The following SENP6 variants were observed in gnomAD, a reference collection of about 807,000 sequenced individuals.
The protein encoded by SENP6 is sentrin-specific protease 6.
A neutral mutation model predicts 134.5 loss-of-function variants in SENP6; 41 were observed. The observed-to-expected ratio is 0.30, with a 90% CI of 0.24 to 0.40. The LOEUF (loss-of-function observed/expected upper bound fraction) is 0.40, where lower values mean the gene tolerates loss of function less well. Ranked by LOEUF, SENP6 falls within the 10% of genes least tolerant of loss-of-function variation. The pLI is 1.00. For missense variants in SENP6, 1,248 were observed against 1,312.5 expected, an observed-to-expected ratio of 0.95 and a Z score of 0.76; for synonymous variants, 395 against 429.8, an observed-to-expected ratio of 0.92 and a Z score of 1.00.
Position 75,713,445 on chromosome 6 carries a change from A to G in SENP6, c.2910-68A>G, listed in dbSNP as rs753208360. 4.1e-4 allele frequency: 528 copies of G among 1,287,630 alleles called. 2 individuals are homozygous for G. The highest frequency in any genetic ancestry group is 5.6e-4 in the Non-Finnish European group (502 of 900,326). The allele number at this position is 1,287,630 out of a possible 1,614,324, so 79.8% of individuals were successfully genotyped here. ...TAAATTTGATTGTTTATAATATGCCACTTTTAATCCTTTTATGCATTTGTA... is the reference window on the plus strand; with the variant it reads ...TAAATTTGATTGTTTATAATATGCCGCTTTTAATCCTTTTATGCATTTGTA... On this transcript the variant is annotated intron_variant, in intron 21 of 23. Transcript: ENST00000447266.
intron 18 of SENP6, among the ~76,000 whole-genome samples, chr6:75,700,085 A>G (rs1420451083): frequency 6.6e-6 from 1 of 151,702 alleles, no homozygotes; most frequent in Non-Finnish European, 1.5e-5. Flanking sequence ...AATTTTTTAA[A>G]ATTTTTTTGG....
chr6:75,649,255 C>A (rs1039242336), intron 7 of SENP6, among the ~76,000 whole-genome samples: 8 of 151,838 alleles, frequency 5.3e-5, no homozygotes, highest in African/African-American at 1.9e-4. Context: ...GCAGAGGTTG[C>A]AGTGAGCCGA....
At chr6:75,666,108 T>TATATATGATATATATAAAAC (rs1772190783) in intron 9 of SENP6, among the ~76,000 whole-genome samples, 9 of 145,014 alleles carry the variant, frequency 6.2e-5, no homozygotes, top group African/African-American at 2.0e-4. Flanking sequence ...ATATATAAAA[T>TATATATGATATATATAAAAC]GTATATATGA....
rs557461040 is a variant in SENP6, at chr6:75,668,359, A to T, written c.1224+1418A>T. Among the ~76,000 whole-genome samples, 4 of 152,346 alleles carry T rather than the reference A, an allele frequency of 2.6e-5. No individual in the cohort carries two copies. The East Asian group carries it at 7.7e-4, about 29-fold the overall frequency. ...AGCAAAACACTCTAAACACAATTTGATAGGTAGATGCAAATGGAAAAATAG... is the reference window on the plus strand; with the variant it reads ...AGCAAAACACTCTAAACACAATTTGTTAGGTAGATGCAAATGGAAAAATAG... On this transcript the variant is annotated intron_variant, in intron 10 of 23. Transcript: ENST00000447266.
Position 75,678,683 on chromosome 6 carries a change from C to T in SENP6, c.1949C>T (p.Pro650Leu). ...TGENHTIFIG[P>L]VEKLIVYPPP... ...GAAAACCACACCATCTTCATTGGCC[C>T]AGTAGAAAAGTGAGAGAATTCCTTT... Residue 650 changes from proline (P) to leucine (L), a missense_variant, in exon 15 of 24, where the codon CCA (proline) becomes CTA (leucine). Pro to Leu is a moderately conservative substitution (Grantham distance 98, BLOSUM62 -3). This residue lies in a region of SENP6 where 129 missense variants were observed against 192.0 expected (regional missense o/e 0.67). Coordinates refer to ENST00000447266, the MANE Select transcript of SENP6 (RefSeq NM_015571.4). The T allele has an allele frequency of 6.3e-7, 1 of 1,576,882 alleles. No individual in the cohort carries two copies. The highest frequency in any genetic ancestry group is 1.1e-5 in the South Asian group (1 of 87,798).
intron 1 of SENP6, among the ~76,000 whole-genome samples, chr6:75,614,103 A>T (rs1767668773): frequency 6.6e-6 from 1 of 152,134 alleles, no homozygotes; most frequent in African/African-American, 2.4e-5. Flanking sequence ...TGCATTTTTT[A>T]AAAATATAAG....
intron 1 of SENP6, among the ~76,000 whole-genome samples, chr6:75,605,409 A>G (rs995967197): frequency 1.2e-4 from 18 of 152,192 alleles, no homozygotes; most frequent in African/African-American, 2.7e-4. Flanking sequence ...TTTTTTCACC[A>G]TCATATTTCT....
Position 75,676,157 on chromosome 6 carries a change from G to A in SENP6, c.1621+103G>A, listed in dbSNP as rs538413289. The stretch of plus-strand genomic sequence containing the variant: ...GTGCACTTTGACAGATGCCTTAGGT[G>A]TATATTATCTACAATTGTCACAGCC... On this transcript the variant is annotated intron_variant, in intron 13 of 23. Coordinates refer to ENST00000447266, the MANE Select transcript of SENP6 (RefSeq NM_015571.4). 1.9e-5 allele frequency: 12 copies of A among 647,778 alleles called. No individual in the cohort carries two copies. In the African/African-American group the frequency reaches 1.9e-4, roughly 10 times the overall value. 40.1% of individuals were successfully genotyped at this position (647,778 alleles called of 1,614,324 possible). A position where few individuals can be genotyped will look rare whatever the true frequency, so the allele number is the denominator to read the frequency against.
At chr6:75,672,325 T>C (rs577449388) in intron 11 of SENP6, among the ~76,000 whole-genome samples, 15 of 152,332 alleles carry the variant, frequency 9.8e-5, no homozygotes, top group African/African-American at 3.6e-4. Context: ...CTTAAAGCTG[T>C]TTATGAAGAA....
intron 15 of SENP6, 31 bp from the exon 16 acceptor site, chr6:75,678,779 GT>G: frequency 7.0e-7 from 1 of 1,421,316 alleles, no homozygotes; most frequent in East Asian, 2.3e-5. Context: ...ATATAGATTT[GT>G]TTATTTGCTT....
At chr6:75,707,575 C>T (rs1231837985) in intron 19 of SENP6, among the ~76,000 whole-genome samples, 1 of 151,888 alleles carries the variant, frequency 6.6e-6, no homozygotes, top group African/African-American at 2.4e-5. Context: ...CCAGGCTGGT[C>T]TCAAACTTCT....
At chr6:75,665,854 C>T (rs1380602911) in intron 9 of SENP6, among the ~76,000 whole-genome samples, 2 of 151,630 alleles carry the variant, frequency 1.3e-5, no homozygotes, top group Non-Finnish European at 2.9e-5. Flanking sequence ...TGGAGAAACC[C>T]CATCTCTACT....
rs1769968632 is a variant in SENP6 at position 75,640,785 on chromosome 6, T to C, written c.479+81T>C. ...ATTTATATGTTTTGAAAAATATTGGTTGAATTAGAGTTTATAATTAAAGCT... is the reference window on the plus strand; with the variant it reads ...ATTTATATGTTTTGAAAAATATTGGCTGAATTAGAGTTTATAATTAAAGCT... On this transcript the variant is annotated intron_variant, in intron 6 of 23. Coordinates refer to ENST00000447266, the MANE Select transcript of SENP6 (RefSeq NM_015571.4). 21 of 857,762 alleles carry C rather than the reference T, an allele frequency of 2.4e-5. No individual in the cohort carries two copies. The South Asian group carries it at 4.6e-4, about 19-fold the overall frequency. The allele number at this position is 857,762 out of a possible 1,614,324, so 53.1% of individuals were successfully genotyped here.
intron 5 of SENP6, among the ~76,000 whole-genome samples, chr6:75,640,181 A>G (rs1769917532): frequency 6.6e-6 from 1 of 152,240 alleles, no homozygotes; most frequent in African/African-American, 2.4e-5. Context: ...CGGGCATATA[A>G]TAAAACCAGG....
chr6:75,664,215 C>T (rs62415582), intron 9 of SENP6, among the ~76,000 whole-genome samples: 40,487 of 150,830 alleles, frequency 0.27, 6,297 homozygotes, highest in Non-Finnish European at 0.37. Context: ...TGCTTGAGTC[C>T]AGGAGTTGAA....
At chr6:75,642,574 A>G (rs1204459954) in intron 6 of SENP6, among the ~76,000 whole-genome samples, 2 of 152,222 alleles carry the variant, frequency 1.3e-5, no homozygotes, top group African/African-American at 4.8e-5. Flanking sequence ...AAAGGAGACA[A>G]TGTTATGAGA....
chr6:75,636,245 T>A lies in SENP6; in HGVS notation c.458+1434T>A, dbSNP rs192145678. Among the ~76,000 whole-genome samples the A allele has an allele frequency of 2.1e-4, 32 of 152,300 alleles. 2 individuals are homozygous for A. Among genetic ancestry groups the A allele is most frequent in the Admixed American group, 1.1e-3 (17 of 15,294 alleles). ...GAGTTAATTTGTATTTAAGAAATAA[T>A]CCTAATTGAAAAATTCTTAATGATT... On this transcript the variant is annotated intron_variant, in intron 5 of 23. Coordinates refer to ENST00000447266, the MANE Select transcript of SENP6 (RefSeq NM_015571.4).
At chr6:75,631,259 C>T (rs1769094971) in intron 3 of SENP6, among the ~76,000 whole-genome samples, 1 of 152,080 alleles carries the variant, frequency 6.6e-6, no homozygotes, top group Admixed American at 6.6e-5. Flanking sequence ...CAGTACTTTA[C>T]TTAAATTACA....
intron 1 of SENP6, among the ~76,000 whole-genome samples, chr6:75,609,883 G>A (rs925099486): frequency 6.6e-5 from 10 of 152,140 alleles, no homozygotes; most frequent in Admixed American, 4.6e-4. Context: ...TGCCTTCCAG[G>A]TTCAAGCAAT....
Sources: allele counts gnomAD v4.1 joint callset (sites outside exome capture counted in the v4.1 genomes callset), GRCh38; gene constraint gnomAD v4.1.1; regional missense constraint gnomAD v4.1.1; transcripts MANE v1.5; gene names NCBI Gene and HGNC (gene_info 2026-07-23, HGNC 2026-07-21).